Variants in XKR9 observed in about 807,000 individuals in gnomAD.
XKR9 encodes XK related 9.
In XKR9, 32 loss-of-function variants were observed where a neutral mutation model predicts 32.0. The observed-to-expected ratio is 1.00, with a 90% CI of 0.76 to 1.34. The LOEUF is 1.34. Among genes scored for constraint, XKR9 ranks in the 40% most tolerant of loss-of-function variants. The probability of loss-of-function intolerance (pLI) is 0.00; values close to 1 mark genes in which losing one functional copy is unlikely to be tolerated. For synonymous variants in XKR9, 168 were observed against 143.4 expected (o/e 1.17, Z -1.22); for missense variants, 546 against 429.7 (o/e 1.27, Z -2.39).
At chr8:70,969,800 T>C in the XKR9 span, among the ~76,000 whole-genome samples, 1 of 152,216 alleles carries the variant, frequency 6.6e-6, no homozygotes, top group South Asian at 2.1e-4. Flanking sequence ...GATGTTTGGT[T>C]ACATGAATAA....
At chr8:70,709,168 A>T (rs1805822326) in intron 4 of XKR9, among the ~76,000 whole-genome samples, 6 of 152,210 alleles carry the variant, frequency 3.9e-5, no homozygotes, top group Admixed American at 3.9e-4. Flanking sequence ...AATGTGATTC[A>T]TAAATACAAC....
At chr8:70,986,670 C>A in the XKR9 span, among the ~76,000 whole-genome samples, 1 of 152,168 alleles carries the variant, frequency 6.6e-6, no homozygotes, top group Non-Finnish European at 1.5e-5. Context: ...ATAGACCATG[C>A]AAAACACTGG....
At chr8:70,771,789 C>T (rs1807457343) in intron 2 of XKR9, among the ~76,000 whole-genome samples, 1 of 152,246 alleles carries the variant, frequency 6.6e-6, no homozygotes, top group Non-Finnish European at 1.5e-5. Flanking sequence ...TCTCACTTGT[C>T]AAGCTGTTTC....
At chr8:70,998,269 AT>A in the XKR9 span, among the ~76,000 whole-genome samples, 1 of 152,302 alleles carries the variant, frequency 6.6e-6, no homozygotes, top group Non-Finnish European at 1.5e-5. Context: ...TAATTATCTA[AT>A]TACTTCATGA....
the XKR9 span, among the ~76,000 whole-genome samples, chr8:71,064,077 T>C: frequency 6.6e-6 from 1 of 152,240 alleles, no homozygotes; most frequent in Non-Finnish European, 1.5e-5. Context: ...TAACATATTC[T>C]ATTATTTTCC....
rs1422861176 is a variant in XKR9 at position 70,788,221 on chromosome 8, TG to T, written n.353-1114del. Reference sequence around the variant, plus strand: ...CAACCCTACAACGTAGTTCTGAGAATGGGGTTAGTGTACATGAATTGTGCAT... The same window carrying T: ...CAACCCTACAACGTAGTTCTGAGAATGGGTTAGTGTACATGAATTGTGCAT... On this transcript the variant is annotated intron_variant and non_coding_transcript_variant, in intron 2 of 3. Transcript: ENST00000520273. Among the ~76,000 whole-genome samples, 5 of 152,042 alleles carry T rather than the reference TG, an allele frequency of 3.3e-5. No individual in the cohort carries two copies. The East Asian group carries it at 9.6e-4, about 29-fold the overall frequency.
At chr8:70,959,945 G>A in the XKR9 span, among the ~76,000 whole-genome samples, 1 of 152,186 alleles carries the variant, frequency 6.6e-6, no homozygotes, top group African/African-American at 2.4e-5. Context: ...GATTAAAAAA[G>A]TTGGCCGGGA....
At chr8:70,847,342 C>A in the XKR9 span, among the ~76,000 whole-genome samples, 1 of 151,832 alleles carries the variant, frequency 6.6e-6, no homozygotes, top group African/African-American at 2.4e-5. Flanking sequence ...ACAGCAAAAG[C>A]AGTTCTATAA....
the XKR9 span, among the ~76,000 whole-genome samples, chr8:70,891,172 C>A: frequency 6.6e-6 from 1 of 151,238 alleles, no homozygotes; most frequent in Non-Finnish European, 1.5e-5. Flanking sequence ...TTTATTCAGG[C>A]CTTTTGTCTT....
chr8:71,015,772 G>A, the XKR9 span, among the ~76,000 whole-genome samples: 1 of 122,348 alleles, frequency 8.2e-6, no homozygotes, highest in Admixed American at 7.6e-5. Context: ...TGCCTCATTA[G>A]CTGTTAAAAA....
At chr8:70,976,580 G>T in the XKR9 span, among the ~76,000 whole-genome samples, 1 of 152,150 alleles carries the variant, frequency 6.6e-6, no homozygotes, top group African/African-American at 2.4e-5. Flanking sequence ...CTTGATCTTG[G>T]TGCATAAACT....
At chr8:70,805,745 C>G in the XKR9 span, among the ~76,000 whole-genome samples, 2 of 152,198 alleles carry the variant, frequency 1.3e-5, no homozygotes, top group Non-Finnish European at 2.9e-5. Context: ...CGGACAGAAC[C>G]TGGATCTCCC....
At chr8:70,805,902 G>C in the XKR9 span, among the ~76,000 whole-genome samples, 1 of 152,220 alleles carries the variant, frequency 6.6e-6, no homozygotes, top group Non-Finnish European at 1.5e-5. Flanking sequence ...CCAAGGGGCA[G>C]TGAAAGTGAT....
chr8:70,919,477 A>G, the XKR9 span, among the ~76,000 whole-genome samples: 1 of 152,204 alleles, frequency 6.6e-6, no homozygotes, highest in Non-Finnish European at 1.5e-5. Flanking sequence ...AGACAGGAAG[A>G]ATAGATAATA....
chr8:70,871,939 A>G, the XKR9 span, among the ~76,000 whole-genome samples: 2 of 152,336 alleles, frequency 1.3e-5, no homozygotes, highest in South Asian at 4.1e-4. Flanking sequence ...AGATAAATTT[A>G]CAACTAGAAA....
At chr8:70,909,703 CTTTTTT>C in the XKR9 span, among the ~76,000 whole-genome samples, 4 of 91,168 alleles carry the variant, frequency 4.4e-5, no homozygotes, top group African/African-American at 1.2e-4. Context: ...TCGATTTATC[CTTTTTT>C]TTTTTTTTTT....
intron 2 of XKR9, among the ~76,000 whole-genome samples, chr8:70,746,097 C>A (rs1256013890): frequency 6.6e-6 from 1 of 151,500 alleles, no homozygotes; most frequent in African/African-American, 2.4e-5. Context: ...AAGATTTGTG[C>A]CTTTTATTTT....
chr8:70,941,316 G>T, the XKR9 span, among the ~76,000 whole-genome samples: 22 of 151,900 alleles, frequency 1.4e-4, no homozygotes, highest in East Asian at 2.7e-3. Context: ...CTTTTTTATG[G>T]CTGAGTAATA....
chr8:70,794,626 T>A (rs1405018924), downstream of XKR9, among the ~76,000 whole-genome samples: 2 of 152,068 alleles, frequency 1.3e-5, no homozygotes, highest in African/African-American at 4.8e-5. Context: ...TTTTAAACTG[T>A]CATTCTATTA....
Sources: allele counts gnomAD v4.1 joint callset (sites outside exome capture counted in the v4.1 genomes callset), GRCh38; gene constraint gnomAD v4.1.1; transcripts MANE v1.5; gene names NCBI Gene and HGNC (gene_info 2026-07-23, HGNC 2026-07-21).